Variants in MED29 observed in about 807,000 individuals in gnomAD.
The protein encoded by MED29 is mediator complex subunit 29.
Under a neutral mutation model 22.0 loss-of-function variants are expected in MED29, and 14 were observed. The observed-to-expected ratio is 0.64, with a 90% CI of 0.42 to 0.99. The LOEUF (loss-of-function observed/expected upper bound fraction) is 0.99. Ranked by LOEUF, MED29 falls within the 50% of genes least tolerant of loss-of-function variation. The probability of loss-of-function intolerance (pLI) is 0.00; values close to 1 mark genes in which losing one functional copy is unlikely to be tolerated. For synonymous variants in MED29, 123 were observed against 107.8 expected, an observed-to-expected ratio of 1.14 and a Z score of -0.87; for missense variants, 241 against 253.7, an observed-to-expected ratio of 0.95 and a Z score of 0.34.
At chr19:39,392,116 G>A (rs1347909571) in intron 1 of MED29, among the ~76,000 whole-genome samples, 1 of 152,220 alleles carries the variant, frequency 6.6e-6, no homozygotes, top group East Asian at 1.9e-4. Context: ...TGCTGAGGCT[G>A]GGACTGGCCG....
chr19:39,393,407 T>C lies in MED29; in HGVS notation c.276-146T>C, dbSNP rs1196412903. ...CACCGTGCCCAGCCTCCTTTTCTTT[T>C]TTTTTGAACCCCTCCGGTTTTCAAC... On this transcript the variant is annotated intron_variant, in intron 2 of 3. Coordinates refer to ENST00000315588, the MANE Select transcript of MED29 (RefSeq NM_017592.4). The C allele has an allele frequency of 1.1e-5, 8 of 751,720 alleles. No individual in the cohort carries two copies. In the East Asian group the frequency reaches 2.1e-4, roughly 19 times the overall value. The allele number at this position is 751,720 out of a possible 1,614,324, so 46.6% of individuals were successfully genotyped here.
At position 39,391,656 on chromosome 19, in the gene MED29, G is replaced by T. The variant is rs746614199; in HGVS notation, c.216+18G>T. The T allele has an allele frequency of 1.1e-5, 17 of 1,556,576 alleles. No homozygotes were observed. Among genetic ancestry groups the T allele is most frequent in the Non-Finnish European group, 7.0e-6 (8 of 1,150,384 alleles). On this transcript the variant is annotated intron_variant, in intron 1 of 3. Transcript: ENST00000315588. Reference sequence around the variant, plus strand: ...GTCTACAGGTGATTGGCCTTAAGCAGCGAGAAGCAAACTGGATTTGGTAGT... The same window carrying T: ...GTCTACAGGTGATTGGCCTTAAGCATCGAGAAGCAAACTGGATTTGGTAGT...
In MED29 at chr19:39,393,802, G is replaced by A. The variant is rs2078413415; in HGVS notation, c.360+165G>A. The A allele has an allele frequency of 1.5e-5, 10 of 659,628 alleles. No homozygotes were observed. In the South Asian group the frequency reaches 1.7e-4, roughly 11 times the overall value. 40.9% of individuals were successfully genotyped at this position (659,628 alleles called of 1,614,324 possible). On this transcript the variant is annotated intron_variant, in intron 3 of 3. Coordinates refer to ENST00000315588, the MANE Select transcript of MED29 (RefSeq NM_017592.4). ...CAGGGTTGCTCTGATCCTTGCCCTT[G>A]CAGAGCTTTCAGTTGAGTGGAATAA... is the stretch of plus-strand genomic sequence containing the variant.
At position 39,393,345 on chromosome 19, in the gene MED29, C is replaced by T. The variant is rs564400093; in HGVS notation, c.276-208C>T. Among the ~76,000 whole-genome samples the T allele has an allele frequency of 2.0e-5, 3 of 152,026 alleles. No individual in the cohort carries two copies. In the East Asian group the frequency reaches 5.8e-4, roughly 29 times the overall value. ...TCCTGACCTCAGGTGATCTGCTCGCCTCGGACTCCCAAAGTGCTGGGATTA... is the reference window on the plus strand; with the variant it reads ...TCCTGACCTCAGGTGATCTGCTCGCTTCGGACTCCCAAAGTGCTGGGATTA... On this transcript the variant is annotated intron_variant, in intron 2 of 3. Coordinates refer to ENST00000315588, the MANE Select transcript of MED29 (RefSeq NM_017592.4).
chr19:39,399,412 T>A lies in MED29; in HGVS notation c.*1713T>A, dbSNP rs1040165643. 1.3e-5 allele frequency: 2 copies of A among 152,204 alleles called. No homozygotes were observed. Among genetic ancestry groups the A allele is most frequent in the African/African-American group, 2.4e-5 (1 of 41,426 alleles). The allele number at this position is 152,204 out of a possible 1,614,324, so 9.4% of individuals were successfully genotyped here. On this transcript the variant is annotated 3_prime_UTR_variant, in exon 4 of 4. Transcript: ENST00000315588. Reference sequence around the variant, plus strand: ...AGCCGGGTGTGGTGGCACACACCTGTAGTCCCAGCTACTCGGGAGGCTGAG... The same window carrying A: ...AGCCGGGTGTGGTGGCACACACCTGAAGTCCCAGCTACTCGGGAGGCTGAG...
intron 3 of MED29, among the ~76,000 whole-genome samples, chr19:39,394,393 C>T (rs1295774531): frequency 4.6e-5 from 7 of 151,962 alleles, no homozygotes; most frequent in African/African-American, 1.7e-4. Context: ...TCCCAAGTAA[C>T]TGGGACTATA....
chr19:39,397,793 C>T lies in MED29; in HGVS notation c.*94C>T. ...GGGCCTAAACACAGCAGCCTCCTCT[C>T]TTCCTGCCTGAGCACCGCAGCGGGA... On this transcript the variant is annotated 3_prime_UTR_variant, in exon 4 of 4. Coordinates refer to ENST00000315588, the MANE Select transcript of MED29 (RefSeq NM_017592.4). 1.3e-6 allele frequency: 2 copies of T among 1,503,174 alleles called. No individual in the cohort carries two copies. The highest frequency in any genetic ancestry group is 1.3e-5 in the South Asian group (1 of 77,934). The allele number at this position is 1,503,174 out of a possible 1,614,324, so 93.1% of individuals were successfully genotyped here.
At chr19:39,393,483 G>A (rs2078410985) in intron 2 of MED29, 70 bp from the exon 3 acceptor site, 1 of 1,388,560 alleles carries the variant, frequency 7.2e-7, no homozygotes, top group Non-Finnish European at 1.0e-6. Flanking sequence ...TGGACACTTG[G>A]TTGGGTAGAT....
chr19:39,397,923 T>G lies in MED29; in HGVS notation c.*224T>G, dbSNP rs1389444912. On this transcript the variant is annotated 3_prime_UTR_variant, in exon 4 of 4. Coordinates refer to ENST00000315588, the MANE Select transcript of MED29 (RefSeq NM_017592.4). ...TCCTAGCCTAGGGTAGACTTTGAAC[T>G]GTGTGTGTTGATGACTTCTCTGTTC... 2 of 702,906 alleles carry G rather than the reference T, an allele frequency of 2.8e-6. No homozygotes were observed. Among genetic ancestry groups the G allele is most frequent in the African/African-American group, 1.8e-5 (1 of 55,792 alleles). 43.5% of individuals were successfully genotyped at this position (702,906 alleles called of 1,614,324 possible). A position where few individuals can be genotyped will look rare whatever the true frequency, so the allele number is the denominator to read the frequency against.
chr19:39,392,732 C>A, intron 2 of MED29: 1 of 528,450 alleles, frequency 1.9e-6, no homozygotes, highest in Non-Finnish European at 3.3e-6. Flanking sequence ...GTTAGGAGAT[C>A]CTCTTGCCTC....
chr19:39,393,836 C>T (rs1378630135), intron 3 of MED29, among the ~76,000 whole-genome samples, 199 bp downstream of exon 3: 1 of 152,226 alleles, frequency 6.6e-6, no homozygotes, highest in Admixed American at 6.5e-5. Flanking sequence ...AATAAGCACA[C>T]CCCTAAACAG....
chr19:39,398,399 T>A lies in MED29; in HGVS notation c.*700T>A, dbSNP rs2078442445. 6.5e-6 allele frequency: 1 copy of A among 152,822 alleles called. No individual in the cohort carries two copies. Among genetic ancestry groups the A allele is most frequent in the Admixed American group, 6.5e-5 (1 of 15,284 alleles). 9.5% of individuals were successfully genotyped at this position (152,822 alleles called of 1,614,324 possible). A position where few individuals can be genotyped will look rare whatever the true frequency, so the allele number is the denominator to read the frequency against. On this transcript the variant is annotated 3_prime_UTR_variant, in exon 4 of 4. Transcript: ENST00000315588. ...GCCCAGGCTCTGAGCTCCACAGGTC[T>A]GAGCAGGGAGCAACTCAGGCCCCCA... is the stretch of plus-strand genomic sequence containing the variant.
chr19:39,397,649 G>C lies in MED29; in HGVS notation c.553G>C (p.Val185Leu), dbSNP rs1405638195. ...CGCCCTGCTGGACTGTGCCAACAAGGTCACGGGCAAGACACCCGCACCACC... is the reference window on the plus strand; with the variant it reads ...CGCCCTGCTGGACTGTGCCAACAAGCTCACGGGCAAGACACCCGCACCACC... The part of the protein sequence containing the change: ...HTALLDCANK[V>L]TGKTPAPPAG... The change falls in exon 4 of 4, where the codon GTC becomes CTC. Residue 185 changes from valine (V) to leucine (L), a missense_variant. Coordinates refer to ENST00000315588, the MANE Select transcript of MED29 (RefSeq NM_017592.4). 1.2e-6 allele frequency: 2 copies of C among 1,612,758 alleles called. No individual in the cohort carries two copies. The highest frequency in any genetic ancestry group is 3.3e-5 in the Admixed American group (2 of 59,974).
Position 39,397,821 on chromosome 19 carries a change from C to T in MED29, c.*122C>T. ...CCTGCCTGAGCACCGCAGCGGGAGC[C>T]AGCAGGGGGCAGCAGAGGCCAACAG... On this transcript the variant is annotated 3_prime_UTR_variant, in exon 4 of 4. Transcript: ENST00000315588. 1 of 1,445,838 alleles carries T rather than the reference C, an allele frequency of 6.9e-7. No individual in the cohort carries two copies. Among genetic ancestry groups the T allele is most frequent in the Non-Finnish European group, 9.2e-7 (1 of 1,091,458 alleles). 89.6% of individuals were successfully genotyped at this position (1,445,838 alleles called of 1,614,324 possible). A position where few individuals can be genotyped will look rare whatever the true frequency, so the allele number is the denominator to read the frequency against.
At chr19:39,393,113 T>A (rs1398644425) in intron 2 of MED29, among the ~76,000 whole-genome samples, 2 of 105,296 alleles carry the variant, frequency 1.9e-5, no homozygotes, top group African/African-American at 4.0e-5. Context: ...TTTTTTTTTT[T>A]GAGACAGAGT....
chr19:39,393,746 C>G (rs2078413170), intron 3 of MED29, 109 bp downstream of exon 3: 2 of 890,628 alleles, frequency 2.2e-6, no homozygotes, highest in Non-Finnish European at 3.7e-6. Context: ...TCCTGTGGGC[C>G]AGACCTGTGC....
In MED29 at chr19:39,391,621, C is replaced by A. The variant is rs773315979; in HGVS notation, c.199C>A (p.Leu67Met). ...VQRYKMLIPQ[L>M]KESLQTLMKV... ...GCGTTATAAGATGCTCATCCCGCAG[C>A]TGAAGGAGAGTCTACAGGTGATTGG... Residue 67 changes from leucine (L) to methionine (M), a missense_variant, in exon 1 of 4, where the codon CTG becomes ATG. Transcript: ENST00000315588. The A allele has an allele frequency of 1.2e-6, 2 of 1,603,884 alleles. No homozygotes were observed. Among genetic ancestry groups the A allele is most frequent in the Non-Finnish European group, 1.7e-6 (2 of 1,174,334 alleles).
chr19:39,397,421 G>A, intron 3 of MED29, 36 bp from the exon 4 acceptor site: 2 of 1,586,906 alleles, frequency 1.3e-6, no homozygotes, highest in East Asian at 2.2e-5. Context: ...GACCTCGGGT[G>A]GAGCTGATGC....
In MED29 at chr19:39,399,814, G is replaced by C. The variant is rs1436035469; in HGVS notation, c.*2115G>C. On this transcript the variant is annotated 3_prime_UTR_variant, in exon 4 of 4. Coordinates refer to ENST00000315588, the MANE Select transcript of MED29 (RefSeq NM_017592.4). Reference sequence around the variant, plus strand: ...ACATCACACACAGGTGGGGGGGCCTGATAGCCCAGCACCCATGATACAGGG... The same window carrying C: ...ACATCACACACAGGTGGGGGGGCCTCATAGCCCAGCACCCATGATACAGGG... The C allele has an allele frequency of 6.6e-6, 1 of 152,192 alleles. No homozygotes were observed. Among genetic ancestry groups the C allele is most frequent in the African/African-American group, 2.4e-5 (1 of 41,420 alleles). The allele number at this position is 152,192 out of a possible 1,614,324, so 9.4% of individuals were successfully genotyped here. A position where few individuals can be genotyped will look rare whatever the true frequency, so the allele number is the denominator to read the frequency against.
Sources: gnomAD v4.1 joint callset for allele counts (sites outside exome capture counted in the v4.1 genomes callset) on GRCh38, gnomAD v4.1.1 for gene constraint, MANE v1.5 for transcripts, NCBI Gene and HGNC (gene_info 2026-07-23, HGNC 2026-07-21) for gene names.